Variants in ADM2 observed in about 807,000 individuals in gnomAD.
ADM2 encodes the protein protein ADM2.
Under a neutral mutation model 7.1 loss-of-function variants are expected in ADM2, and 5 were observed. That is an observed-to-expected ratio of 0.71 (90% CI 0.37 to 1.49). ADM2 has a LOEUF of 1.49. Among genes scored for constraint, ADM2 ranks in the 40% most tolerant of loss-of-function variants. The pLI is 0.03. For missense variants in ADM2, 236 were observed against 211.2 expected (o/e 1.12, Z -0.73); for synonymous variants, 123 against 92.8 (o/e 1.33, Z -1.87).
intron 2 of ADM2, 114 bp from the exon 3 acceptor site, chr22:50,482,453 G>A: frequency 1.4e-6 from 2 of 1,402,382 alleles, no homozygotes; most frequent in Non-Finnish European, 1.8e-6. Flanking sequence ...TGTGGATGGG[G>A]GCTGTGGGCT....
At position 50,482,818 on chromosome 22, in the gene ADM2, G is replaced by C. The variant is rs765846835; in HGVS notation, c.362G>C (p.Ser121Thr). The C allele has an allele frequency of 5.2e-5, 83 of 1,608,212 alleles. No homozygotes were observed. The highest frequency in any genetic ancestry group is 5.9e-6 in the Non-Finnish European group (7 of 1,179,344). Reference sequence around the variant, plus strand: ...GGCACCTGCCAGGTGCAGAATCTCAGCCACCGCCTGTGGCAACTCATGGGA... The same window carrying C: ...GGCACCTGCCAGGTGCAGAATCTCACCCACCGCCTGTGGCAACTCATGGGA... The part of the protein sequence containing the change: ...VLGTCQVQNL[S>T]HRLWQLMGPA... Residue 121 changes from serine (S) to threonine (T), a missense_variant, in exon 3 of 3, where the codon AGC becomes ACC. Transcript: ENST00000395737.
Position 50,483,537 on chromosome 22 carries a change from G to A in ADM2, c.*634G>A. 1 of 345,174 alleles carries A rather than the reference G, an allele frequency of 2.9e-6. No homozygotes were observed. Among genetic ancestry groups the A allele is most frequent in the South Asian group, 2.1e-5 (1 of 46,640 alleles). 21.4% of individuals were successfully genotyped at this position (345,174 alleles called of 1,614,324 possible). ...ACTCCACCTGGATCCCCTGTAGGAG[G>A]CCAGGGAGGGGAACTCAGCAGTTCA... On this transcript the variant is annotated 3_prime_UTR_variant, in exon 3 of 3. Transcript: ENST00000395737.
At position 50,485,346 on chromosome 22, in the gene ADM2, C is replaced by CA. The variant is rs35553399; in HGVS notation, c.*2455dup. ...TGGATGACAGAGCAAGACTCCGTTT[C>CA]AAAAAAAAAAAACCTCCTCTCTTCC... On this transcript the variant is annotated 3_prime_UTR_variant, in exon 3 of 3. Coordinates refer to ENST00000395737, the MANE Select transcript of ADM2 (RefSeq NM_001253845.2). The CA allele has an allele frequency of 8.1e-5, 12 of 148,280 alleles. No homozygotes were observed. Among genetic ancestry groups the CA allele is most frequent in the East Asian group, 2.0e-4 (1 of 5,002 alleles). 9.2% of individuals were successfully genotyped at this position (148,280 alleles called of 1,614,324 possible).
rs2068197640 is a variant in ADM2 at position 50,481,760 on chromosome 22, C to T, written c.-15C>T. ...GGCGCCCCGACCGCGGAGGACTCCC[C>T]GAGGTGCCGGCGGAGGGGGTGGCTC... On this transcript the variant is annotated 5_prime_UTR_variant, in exon 1 of 3. Coordinates refer to ENST00000395737, the MANE Select transcript of ADM2 (RefSeq NM_001253845.2). 4 of 913,866 alleles carry T rather than the reference C, an allele frequency of 4.4e-6. No homozygotes were observed. The highest frequency in any genetic ancestry group is 2.0e-5 in the South Asian group (1 of 49,640). The allele number at this position is 913,866 out of a possible 1,614,324, so 56.6% of individuals were successfully genotyped here. A position where few individuals can be genotyped will look rare whatever the true frequency, so the allele number is the denominator to read the frequency against.
At position 50,482,725 on chromosome 22, in the gene ADM2, C is replaced by A; in HGVS notation, c.269C>A (p.Ser90Ter). ...QPLRDGGRQH[S>*]GPRRHSGPRR... ...CTCCGGGATGGTGGCCGCCAACACT[C>A]GGGCCCCCGAAGACACTCGGGCCCC... The change falls in exon 3 of 3, where the codon TCG becomes TAG. Residue 90 changes from serine (S) to a stop codon, truncating the protein, a stop_gained. Transcript: ENST00000395737. LOFTEE classifies it high-confidence loss of function. The A allele has an allele frequency of 7.8e-7, 1 of 1,281,274 alleles. No individual in the cohort carries two copies. The highest frequency in any genetic ancestry group is 1.2e-5 in the South Asian group (1 of 83,168). 79.4% of individuals were successfully genotyped at this position (1,281,274 alleles called of 1,614,324 possible).
At chr22:50,482,150 G>A (rs1011554936) in intron 2 of ADM2, among the ~76,000 whole-genome samples, 193 bp downstream of exon 2, 3 of 152,306 alleles carry the variant, frequency 2.0e-5, no homozygotes, top group South Asian at 2.1e-4. Context: ...TCCCTACACA[G>A]GGCAGTTGCT....
In ADM2 at chr22:50,483,343, T is replaced by A. The variant is rs2068222987; in HGVS notation, c.*440T>A. The stretch of plus-strand genomic sequence containing the variant: ...TGTGCCTGGGCTGTTCCTGCTCTCA[T>A]GCACAACCAGCCCTTCCACGTGCCT... On this transcript the variant is annotated 3_prime_UTR_variant, in exon 3 of 3. Transcript: ENST00000395737. 2 of 445,716 alleles carry A rather than the reference T, an allele frequency of 4.5e-6. No homozygotes were observed. Among genetic ancestry groups the A allele is most frequent in the South Asian group, 1.6e-5 (1 of 64,110 alleles). 27.6% of individuals were successfully genotyped at this position (445,716 alleles called of 1,614,324 possible).
rs1041919446 is a variant in ADM2 at position 50,485,660 on chromosome 22, C to T, written c.*2757C>T. On this transcript the variant is annotated 3_prime_UTR_variant, in exon 3 of 3. Transcript: ENST00000395737. ...GAGTGGCAGGGAGTGCTGAGTGCCA[C>T]AGGAAGTCAGACAAGGAAGGAGAGT... 1 of 152,328 alleles carries T rather than the reference C, an allele frequency of 6.6e-6. No homozygotes were observed. The highest frequency in any genetic ancestry group is 1.5e-5 in the Non-Finnish European group (1 of 68,156). 9.4% of individuals were successfully genotyped at this position (152,328 alleles called of 1,614,324 possible).
rs532042958 is a variant in ADM2, at chr22:50,483,312, C to A, written c.*409C>A. Reference sequence around the variant, plus strand: ...CTGCTGGTCCAGTCAGACTGAAGCCCGGCCTTGTGCCTGGGCTGTTCCTGC... The same window carrying A: ...CTGCTGGTCCAGTCAGACTGAAGCCAGGCCTTGTGCCTGGGCTGTTCCTGC... On this transcript the variant is annotated 3_prime_UTR_variant, in exon 3 of 3. Coordinates refer to ENST00000395737, the MANE Select transcript of ADM2 (RefSeq NM_001253845.2). The A allele has an allele frequency of 9.9e-5, 46 of 465,456 alleles. No homozygotes were observed. Among genetic ancestry groups the A allele is most frequent in the Non-Finnish European group, 3.9e-5 (9 of 232,570 alleles). 28.8% of individuals were successfully genotyped at this position (465,456 alleles called of 1,614,324 possible). A position where few individuals can be genotyped will look rare whatever the true frequency, so the allele number is the denominator to read the frequency against.
At chr22:50,482,126 CCT>C (rs1309907757) in intron 2 of ADM2, among the ~76,000 whole-genome samples, 169 bp downstream of exon 2, 1 of 152,196 alleles carries the variant, frequency 6.6e-6, no homozygotes, top group South Asian at 2.1e-4. Flanking sequence ...GCCAGAGGCC[CCT>C]CTTTCTCTGC....
chr22:50,483,610 A>C lies in ADM2; in HGVS notation c.*707A>C. ...GGACAGGGACACCCCTTTCTACCCC[A>C]GGGCAGGGCAGGGCTGGGTGGGGCA... On this transcript the variant is annotated 3_prime_UTR_variant, in exon 3 of 3. Coordinates refer to ENST00000395737, the MANE Select transcript of ADM2 (RefSeq NM_001253845.2). The C allele has an allele frequency of 3.7e-6, 1 of 273,948 alleles. No individual in the cohort carries two copies. Among genetic ancestry groups the C allele is most frequent in the Non-Finnish European group, 7.3e-6 (1 of 137,236 alleles). 17.0% of individuals were successfully genotyped at this position (273,948 alleles called of 1,614,324 possible).
intron 1 of ADM2, 30 bp from the exon 2 acceptor site, chr22:50,481,807 G>C (rs2068198330): frequency 2.1e-6 from 3 of 1,403,646 alleles, no homozygotes; most frequent in South Asian, 1.3e-5. Context: ...TGCCCCCGAC[G>C]TGCCCGGCTC....
In ADM2 at chr22:50,481,720, GCCACGC is replaced by G. The variant is rs1219735652; in HGVS notation, c.-46_-41del. 2 of 504,802 alleles carry G rather than the reference GCCACGC, an allele frequency of 4.0e-6. No individual in the cohort carries two copies. The highest frequency in any genetic ancestry group is 3.2e-6 in the Non-Finnish European group (1 of 315,336). The allele number at this position is 504,802 out of a possible 1,614,324, so 31.3% of individuals were successfully genotyped here. On this transcript the variant is annotated 5_prime_UTR_variant, in exon 1 of 3. Coordinates refer to ENST00000395737, the MANE Select transcript of ADM2 (RefSeq NM_001253845.2). ...CCCGACGGACGCCCGTGCCCAGCTT[GCCACGC>G]CCACGCCCGGCGCCCCGACCGCGGA...
In ADM2 at chr22:50,483,071, C is replaced by A. The variant is rs1462843698; in HGVS notation, c.*168C>A. ...ACACGTAAACCTAGGCTGGTCTACA[C>A]GCAGTGCTGGTACGTCAAGGAGCCT... On this transcript the variant is annotated 3_prime_UTR_variant, in exon 3 of 3. Coordinates refer to ENST00000395737, the MANE Select transcript of ADM2 (RefSeq NM_001253845.2). The A allele has an allele frequency of 8.5e-7, 1 of 1,173,822 alleles. No individual in the cohort carries two copies. The highest frequency in any genetic ancestry group is 1.2e-6 in the Non-Finnish European group (1 of 816,876). The allele number at this position is 1,173,822 out of a possible 1,614,324, so 72.7% of individuals were successfully genotyped here.
In ADM2 at chr22:50,483,115, A is replaced by AC. The variant is rs748543119; in HGVS notation, c.*217dup. 1.2e-5 allele frequency: 10 copies of AC among 859,730 alleles called. 1 individual carries two copies. The South Asian group carries it at 1.3e-4, about 11-fold the overall frequency. The allele number at this position is 859,730 out of a possible 1,614,324, so 53.3% of individuals were successfully genotyped here. ...GGAGCCTAAACACCCTGAAATTGTG[A>AC]CCCCCTGGGGGACAGCTGCCAGACA... On this transcript the variant is annotated 3_prime_UTR_variant, in exon 3 of 3. Transcript: ENST00000395737.
Position 50,482,434 on chromosome 22 carries a change from C to T in ADM2, c.111-133C>T, listed in dbSNP as rs1439240641. ...ACGCGGGCTTCCCCTGGCCGTGCTCCAGGCTGTGTGTGGATGGGGGCTGTG... is the reference window on the plus strand; with the variant it reads ...ACGCGGGCTTCCCCTGGCCGTGCTCTAGGCTGTGTGTGGATGGGGGCTGTG... On this transcript the variant is annotated intron_variant, in intron 2 of 2. Coordinates refer to ENST00000395737, the MANE Select transcript of ADM2 (RefSeq NM_001253845.2). The T allele has an allele frequency of 1.1e-5, 15 of 1,370,026 alleles. No homozygotes were observed. The East Asian group carries it at 4.1e-4, about 38-fold the overall frequency. The allele number at this position is 1,370,026 out of a possible 1,614,324, so 84.9% of individuals were successfully genotyped here. A position where few individuals can be genotyped will look rare whatever the true frequency, so the allele number is the denominator to read the frequency against.
Position 50,481,920 on chromosome 22 carries a change from C to T in ADM2, c.73C>T (p.Arg25Cys), listed in dbSNP as rs879333619. ...LCLQLPGSLS[R>C]SLGGDPRPVK... ...CCTGCAGCTCCCTGGCTCGCTGTCC[C>T]GCAGCCTGGGCGGGGACCCGCGACC... The change falls in exon 2 of 3, where the codon CGC (arginine) becomes TGC (cysteine). Residue 25 changes from arginine to cysteine, a missense_variant. Physicochemically the swap from Arg to Cys is radical, Grantham distance 180. Transcript: ENST00000395737. The T allele has an allele frequency of 4.6e-6, 7 of 1,537,430 alleles. No homozygotes were observed. The highest frequency in any genetic ancestry group is 2.4e-5 in the South Asian group (2 of 83,740).
chr22:50,484,298 GCAA>G lies in ADM2; in HGVS notation c.*1396_*1398del, dbSNP rs2068237289. On this transcript the variant is annotated 3_prime_UTR_variant, in exon 3 of 3. Coordinates refer to ENST00000395737, the MANE Select transcript of ADM2 (RefSeq NM_001253845.2). Reference sequence around the variant, plus strand: ...CACTGAGAGATGTACTAGGATTGCAGCAAAGGTGGTCAGGGTGATGGGCCGCAC... The same window carrying G: ...CACTGAGAGATGTACTAGGATTGCAGAGGTGGTCAGGGTGATGGGCCGCAC... The G allele has an allele frequency of 6.5e-6, 1 of 152,870 alleles. No individual in the cohort carries two copies. 9.5% of individuals were successfully genotyped at this position (152,870 alleles called of 1,614,324 possible). A position where few individuals can be genotyped will look rare whatever the true frequency, so the allele number is the denominator to read the frequency against.
rs1170534949 is a variant in ADM2, at chr22:50,482,804, G to A, written c.348G>A (p.Gln116=). Residue 116 remains glutamine, a synonymous_variant, in exon 3 of 3, where the codon CAG becomes CAA. Coordinates refer to ENST00000395737, the MANE Select transcript of ADM2 (RefSeq NM_001253845.2). ...LRVGCVLGTC[Q]VQNLSHRLWQ... ...TGGGCTGTGTGCTGGGCACCTGCCA[G>A]GTGCAGAATCTCAGCCACCGCCTGT... 1 of 1,608,328 alleles carries A rather than the reference G, an allele frequency of 6.2e-7. No individual in the cohort carries two copies. The highest frequency in any genetic ancestry group is 1.3e-5 in the African/African-American group (1 of 74,912).
Sources: allele counts gnomAD v4.1 joint callset (sites outside exome capture counted in the v4.1 genomes callset), GRCh38; gene constraint gnomAD v4.1.1; transcripts MANE v1.5; gene names NCBI Gene and HGNC (gene_info 2026-07-23, HGNC 2026-07-21).